Variants in REV3L observed in about 807,000 individuals in gnomAD.
REV3L encodes REV3 like, DNA directed polymerase zeta catalytic subunit, also known as DNA polymerase zeta catalytic subunit.
REV3L carries 69 observed loss-of-function variants against 299.4 expected under a neutral mutation model. The ratio of observed to expected loss-of-function variants is 0.23; its 90% CI spans 0.19 to 0.28. The LOEUF (loss-of-function observed/expected upper bound fraction) is 0.28, where lower values mean the gene tolerates loss of function less well. Among genes scored for constraint, REV3L ranks in the 10% least tolerant of loss-of-function variants. REV3L has a pLI of 1.00. For synonymous variants in REV3L, 1,238 were observed against 1,271.4 expected, an observed-to-expected ratio of 0.97 and a Z score of 0.56; for missense variants, 3,128 against 3,693.8, an observed-to-expected ratio of 0.85 and a Z score of 3.97.
intron 4 of REV3L, among the ~76,000 whole-genome samples, chr6:111,404,539 C>T (rs1168212307): frequency 6.6e-6 from 1 of 152,148 alleles, no homozygotes; most frequent in Non-Finnish European, 1.5e-5. Flanking sequence ...AGTGATTCCA[C>T]TGATGGATCT....
At chr6:111,425,051 G>C (rs1276550452) in intron 1 of REV3L, among the ~76,000 whole-genome samples, 2 of 152,152 alleles carry the variant, frequency 1.3e-5, no homozygotes, top group Non-Finnish European at 2.9e-5. Flanking sequence ...GGTTGATCTT[G>C]AGGCTCTGCC....
intron 1 of REV3L, among the ~76,000 whole-genome samples, chr6:111,453,813 A>G (rs1234102830): frequency 1.3e-5 from 2 of 151,940 alleles, no homozygotes; most frequent in African/African-American, 4.8e-5. Flanking sequence ...GTGAAACCCC[A>G]TCTCTACTAA....
chr6:111,455,784 A>T (rs1429388654), intron 1 of REV3L, among the ~76,000 whole-genome samples: 1 of 152,232 alleles, frequency 6.6e-6, no homozygotes, highest in Non-Finnish European at 1.5e-5. Flanking sequence ...AAAATTATTG[A>T]CAAAAACATA....
chr6:111,315,591 C>G, intron 26 of REV3L: 1 of 541,642 alleles, frequency 1.8e-6, no homozygotes, highest in South Asian at 2.3e-5. Context: ...TTAAGACATC[C>G]AATATTTCTA....
chr6:111,426,759 T>G (rs1007970609), intron 1 of REV3L, among the ~76,000 whole-genome samples: 57 of 152,226 alleles, frequency 3.7e-4, no homozygotes, highest in African/African-American at 1.4e-3. Flanking sequence ...TCAATAACTA[T>G]GAAACTATAT....
chr6:111,443,134 A>T (rs1191647286), intron 1 of REV3L, among the ~76,000 whole-genome samples: 1 of 151,790 alleles, frequency 6.6e-6, no homozygotes, highest in Non-Finnish European at 1.5e-5. Flanking sequence ...TTTATAGATT[A>T]CATTTGCCTA....
intron 1 of REV3L, among the ~76,000 whole-genome samples, chr6:111,437,765 C>T (rs556705114): frequency 1.9e-4 from 29 of 152,058 alleles, no homozygotes; most frequent in South Asian, 4.2e-4. Context: ...AAATTGATTG[C>T]GCTTATGGTT....
chr6:111,311,346 C>T (rs769674012), intron 28 of REV3L, 87 bp from the exon 29 acceptor site: 40 of 924,284 alleles, frequency 4.3e-5, no homozygotes, highest in Non-Finnish European at 5.9e-5. Context: ...TATGTAACTA[C>T]TGGGTAACCT....
At chr6:111,441,719 A>G (rs143651662) in intron 1 of REV3L, among the ~76,000 whole-genome samples, 85 of 152,302 alleles carry the variant, frequency 5.6e-4, no homozygotes, top group African/African-American at 1.8e-3. Context: ...TTAGAGGCTA[A>G]TATTTTCTCT....
chr6:111,420,241 G>A (rs999114394), intron 1 of REV3L, among the ~76,000 whole-genome samples: 15 of 152,098 alleles, frequency 9.9e-5, no homozygotes, highest in African/African-American at 2.7e-4. Flanking sequence ...CTCTATTAAC[G>A]TAAACTGATA....
At chr6:111,409,460 A>G (rs1332595401) in intron 3 of REV3L, among the ~76,000 whole-genome samples, 2 of 152,004 alleles carry the variant, frequency 1.3e-5, no homozygotes, top group Non-Finnish European at 2.9e-5. Context: ...AGATTAACCC[A>G]CTATCAATGA....
intron 4 of REV3L, among the ~76,000 whole-genome samples, chr6:111,395,592 G>C (rs1166263769): frequency 2.6e-5 from 4 of 152,052 alleles, no homozygotes; most frequent in Admixed American, 6.6e-5. Flanking sequence ...TCAGTTCTAA[G>C]AGTTTTTTGT....
chr6:111,472,172 G>C (rs1173664172), intron 1 of REV3L: 2 of 1,250,412 alleles, frequency 1.6e-6, no homozygotes, highest in East Asian at 1.2e-4. Context: ...TCATTTTCTT[G>C]TTCTGAGAAA....
chr6:111,482,459 G>GCCCTGGAGTGCGGCTCCCGCT, intron 1 of REV3L, among the ~76,000 whole-genome samples: 1 of 151,990 alleles, frequency 6.6e-6, no homozygotes, highest in Admixed American at 6.6e-5. Flanking sequence ...CCCGGCCCGC[G>GCCCTGGAGTGCGGCTCCCGCT]CCCTGGAGTG....
intron 17 of REV3L, among the ~76,000 whole-genome samples, chr6:111,358,284 C>G (rs1778300957): frequency 6.6e-6 from 1 of 152,048 alleles, no homozygotes; most frequent in South Asian, 2.1e-4. Flanking sequence ...CCTCTATCAG[C>G]AGGAAAATAC....
intron 4 of REV3L, 111 bp from the exon 5 acceptor site, chr6:111,393,083 G>A (rs972703866): frequency 3.2e-5 from 21 of 648,128 alleles, no homozygotes; most frequent in African/African-American, 3.1e-4. Context: ...TGTTGCCCAG[G>A]CTGGAGTACA....
At chr6:111,413,239 C>A (rs184801239) in intron 2 of REV3L, among the ~76,000 whole-genome samples, 272 of 152,142 alleles carry the variant, frequency 1.8e-3, no homozygotes, top group Non-Finnish European at 2.8e-3. Context: ...TTATCTTCAG[C>A]CAGATGAATG....
In REV3L at chr6:111,422,635, T is replaced by TATATATATATAC. The variant is rs1562287418; in HGVS notation, c.140-6164_140-6163insGTATATATATAT. ...ATACACATATATATATATATACACATATATATATATATACATATATATATA... is the reference window on the plus strand; with the variant it reads ...ATACACATATATATATATATACACATATATATATATACATATATATATATACATATATATATA... On this transcript the variant is annotated intron_variant, in intron 1 of 31. Coordinates refer to ENST00000368802, the MANE Select transcript of REV3L (RefSeq NM_001372078.1). Among the ~76,000 whole-genome samples the TATATATATATAC allele has an allele frequency of 1.1e-3, 21 of 19,632 alleles. 6 individuals carry two copies. Among genetic ancestry groups the TATATATATATAC allele is most frequent in the Non-Finnish European group, 3.1e-3 (18 of 5,772 alleles). 12.9% of individuals were successfully genotyped at this position (19,632 alleles called of 152,430 possible).
rs552961348 is a variant in REV3L, at chr6:111,367,886, G to A, written c.5902C>T (p.Pro1968Ser). 1 of 1,614,148 alleles carries A rather than the reference G, an allele frequency of 6.2e-7. No individual in the cohort carries two copies. Among genetic ancestry groups the A allele is most frequent in the South Asian group, 1.1e-5 (1 of 91,078 alleles). The change falls in exon 14 of 32, where the codon CCC becomes TCC. Residue 1968 changes from proline to serine, a missense_variant. By Grantham distance (74) the Pro-to-Ser change is moderately conservative (BLOSUM62 -1). Coordinates refer to ENST00000368802, the MANE Select transcript of REV3L (RefSeq NM_001372078.1). ...AMTQNPRPGS[P>S]LRSGQGVVNK... ...ACAACTCCTTGGCCACTGCGAAGGGGTGACCCTGGCCTTGGATTCTGAGTC... is the reference window on the plus strand; with the variant it reads ...ACAACTCCTTGGCCACTGCGAAGGGATGACCCTGGCCTTGGATTCTGAGTC...
Sources: allele counts gnomAD v4.1 joint callset (sites outside exome capture counted in the v4.1 genomes callset), GRCh38; gene constraint gnomAD v4.1.1; transcripts MANE v1.5; gene names NCBI Gene and HGNC (gene_info 2026-07-23, HGNC 2026-07-21).